The following C1orf54 variants were observed in gnomAD, a reference collection of about 807,000 sequenced individuals.
C1orf54 encodes the protein chromosome 1 open reading frame 54.
A neutral mutation model predicts 14.7 loss-of-function variants in C1orf54; 12 were observed. The observed-to-expected ratio is 0.82, with a 90% confidence interval of 0.52 to 1.32. C1orf54 has a LOEUF of 1.32. Among genes scored for constraint, C1orf54 ranks in the 40% most tolerant of loss-of-function variants. The probability of loss-of-function intolerance (pLI) is 0.00; values close to 1 mark genes in which losing one functional copy is unlikely to be tolerated. For synonymous variants in C1orf54, 65 were observed against 56.3 expected, an observed-to-expected ratio of 1.16 and a Z score of -0.70; for missense variants, 163 against 162.2, an observed-to-expected ratio of 1.00 and a Z score of -0.03.
At chr1:150,276,232 T>G (rs1168532317) in intron 3 of C1orf54, among the ~76,000 whole-genome samples, 3 of 152,026 alleles carry the variant, frequency 2.0e-5, no homozygotes, top group Non-Finnish European at 4.4e-5. Flanking sequence ...GAGGAGAAAC[T>G]AAGTAGTAGG....
chr1:150,276,674 T>C (rs781928993), intron 4 of C1orf54, 42 bp downstream of exon 4: 3 of 1,499,780 alleles, frequency 2.0e-6, no homozygotes, highest in Non-Finnish European at 2.8e-6. Context: ...AGACAGGACA[T>C]CCCTAGTGAC....
intron 2 of C1orf54, among the ~76,000 whole-genome samples, 186 bp downstream of exon 2, chr1:150,274,356 T>C (rs1248193585): frequency 1.3e-5 from 2 of 152,134 alleles, no homozygotes; most frequent in East Asian, 3.9e-4. Flanking sequence ...ATCCCAGCAC[T>C]TTGGGAGGCT....
intron 5 of C1orf54, among the ~76,000 whole-genome samples, chr1:150,280,052 G>A (rs899341812): frequency 6.6e-6 from 1 of 152,008 alleles, no homozygotes; most frequent in African/African-American, 2.4e-5. Context: ...TCTACAAGAC[G>A]TTAAAAAAAT....
At chr1:150,272,167 G>GTGAGA (rs1652255431), upstream of C1orf54, 1 of 152,100 alleles carries the variant, frequency 6.6e-6, no homozygotes, top group Non-Finnish European at 1.5e-5. Context: ...GTGAGGTGAG[G>GTGAGA]TCAGTGTTAC....
Position 150,272,830 on chromosome 1 carries a change from T to C in C1orf54, c.13T>C (p.Phe5Leu). ...TGCAGAATCCAGAATGGATGTCCTC[T>C]TTGTAGCCATCTTTGCTGTGCCACT... is the stretch of plus-strand genomic sequence containing the variant. MDVL[F>L]VAIFAVPLIL... The change falls in exon 1 of 6, where the codon TTT becomes CTT. Residue 5 changes from phenylalanine (F) to leucine (L), a missense_variant. Coordinates refer to ENST00000369099, the MANE Select transcript of C1orf54 (RefSeq NM_024579.4). The C allele has an allele frequency of 6.2e-7, 1 of 1,614,198 alleles. No homozygotes were observed. The highest frequency in any genetic ancestry group is 8.5e-7 in the Non-Finnish European group (1 of 1,180,036).
chr1:150,280,723 G>T, intron 5 of C1orf54, 112 bp from the exon 6 acceptor site: 1 of 831,010 alleles, frequency 1.2e-6, no homozygotes, highest in Admixed American at 2.3e-5. Flanking sequence ...AGCTATCACA[G>T]AGCAATCCCA....
intron 4 of C1orf54, 148 bp downstream of exon 4, chr1:150,276,780 G>C: frequency 1.5e-6 from 1 of 656,984 alleles, no homozygotes; most frequent in Non-Finnish European, 2.7e-6. Context: ...ACTTGGCCAT[G>C]TTTCACTAAG....
At chr1:150,273,903 C>T (rs1442086359) in intron 1 of C1orf54, among the ~76,000 whole-genome samples, 184 bp from the exon 2 acceptor site, 1 of 151,966 alleles carries the variant, frequency 6.6e-6, no homozygotes, top group African/African-American at 2.4e-5. Flanking sequence ...ATATGGATCC[C>T]AGAAGACTGA....
chr1:150,271,304 G>A (rs1426523252), upstream of C1orf54, among the ~76,000 whole-genome samples: 6 of 152,104 alleles, frequency 3.9e-5, no homozygotes, highest in African/African-American at 1.4e-4. Flanking sequence ...GTAGAGACAA[G>A]GTTTCACCAT....
chr1:150,276,539 C>T lies in C1orf54; in HGVS notation c.207C>T (p.Asp69=). The T allele has an allele frequency of 6.2e-7, 1 of 1,613,822 alleles. No homozygotes were observed. Among genetic ancestry groups the T allele is most frequent in the South Asian group, 1.1e-5 (1 of 91,076 alleles). Residue 69 remains aspartate, a synonymous_variant, in exon 4 of 6, where the codon GAC becomes GAT. Coordinates refer to ENST00000369099, the MANE Select transcript of C1orf54 (RefSeq NM_024579.4). The part of the protein sequence containing the change: ...SEDRLNRLDK[D]ITEAIETTIS... ...GAGGGTAGAACAGGTTGGATAAGGACATAACAGAAGCAATAGAGACTACCA... is the reference window on the plus strand; with the variant it reads ...GAGGGTAGAACAGGTTGGATAAGGATATAACAGAAGCAATAGAGACTACCA...
chr1:150,277,525 A>AAC (rs1652766517), intron 4 of C1orf54, among the ~76,000 whole-genome samples: 1 of 149,684 alleles, frequency 6.7e-6, no homozygotes, highest in African/African-American at 2.5e-5. Context: ...AAAAAAAAAA[A>AAC]AAGAGTGAAA....
intron 4 of C1orf54, among the ~76,000 whole-genome samples, chr1:150,277,512 A>T (rs1652764728): frequency 1.4e-5 from 2 of 145,516 alleles, no homozygotes; most frequent in African/African-American, 5.4e-5. Flanking sequence ...TAAAAAAAAA[A>T]AAAAAAAAAA....
chr1:150,279,568 T>C, intron 4 of C1orf54, 75 bp from the exon 5 acceptor site: 2 of 1,372,298 alleles, frequency 1.5e-6, no homozygotes, highest in South Asian at 2.7e-5. Context: ...GGTGGCAGTC[T>C]TTCTGGAGGG....
At chr1:150,274,222 A>C in intron 2 of C1orf54, 52 bp downstream of exon 2, 1 of 1,336,334 alleles carries the variant, frequency 7.5e-7, no homozygotes, top group Non-Finnish European at 1.1e-6. Context: ...AGGCTTCAGG[A>C]TATTTAGTTC....
In C1orf54 at chr1:150,272,809, G is replaced by A. The variant is rs781858299; in HGVS notation, c.-9G>A. 2 of 1,614,118 alleles carry A rather than the reference G, an allele frequency of 1.2e-6. No homozygotes were observed. The highest frequency in any genetic ancestry group is 4.5e-5 in the East Asian group (2 of 44,880). On this transcript the variant is annotated 5_prime_UTR_variant, in exon 1 of 6. Transcript: ENST00000369099. Reference sequence around the variant, plus strand: ...TTTTTACTTTCACAGCAATAGTGCAGAATCCAGAATGGATGTCCTCTTTGT... The same window carrying A: ...TTTTTACTTTCACAGCAATAGTGCAAAATCCAGAATGGATGTCCTCTTTGT...
chr1:150,269,940 G>A (rs34755378), upstream of C1orf54, among the ~76,000 whole-genome samples: 13,011 of 152,240 alleles, frequency 0.085, 742 homozygotes, highest in Non-Finnish European at 0.13. Flanking sequence ...GGGAGGCTGA[G>A]GGGCAAATAT....
At chr1:150,269,197 G>C (rs190334032), upstream of C1orf54, 36 of 201,912 alleles carry the variant, frequency 1.8e-4, no homozygotes, top group Admixed American at 1.7e-3. Flanking sequence ...GCCGGGAATG[G>C]ACCAGTCGAG....
upstream of C1orf54, chr1:150,272,430 G>A (rs1652274961): frequency 4.9e-6 from 1 of 202,038 alleles, no homozygotes; most frequent in South Asian, 8.4e-5. Context: ...CAGAGACAGT[G>A]AGAGGGAGGG....
chr1:150,272,753 G>A, upstream of C1orf54: 1 of 1,564,078 alleles, frequency 6.4e-7, no homozygotes. Flanking sequence ...GGGAGGCGGG[G>A]TAAGTTTGGT....
Sources: allele counts gnomAD v4.1 joint callset (sites outside exome capture counted in the v4.1 genomes callset), GRCh38; gene constraint gnomAD v4.1.1; transcripts MANE v1.5; gene names NCBI Gene and HGNC (gene_info 2026-07-23, HGNC 2026-07-21).